Variants in AGBL3 observed in about 807,000 individuals in gnomAD.
The protein encoded by AGBL3 is AGBL carboxypeptidase 3.
AGBL3 carries 68 observed loss-of-function variants against 94.5 expected under a neutral mutation model. The ratio of observed to expected loss-of-function variants is 0.72; its 90% CI spans 0.59 to 0.88. AGBL3 has a LOEUF of 0.88. AGBL3 is among the 40% of genes least tolerant of loss of function. The probability of loss-of-function intolerance (pLI) is 0.00; values close to 1 mark genes in which losing one functional copy is unlikely to be tolerated. For synonymous variants in AGBL3, 354 were observed against 370.7 expected (o/e 0.95, Z 0.52); for missense variants, 934 against 1,103.8 (o/e 0.85, Z 2.18).
intron 15 of AGBL3, among the ~76,000 whole-genome samples, chr7:135,095,609 G>C (rs61222511): frequency 2.0e-5 from 3 of 152,100 alleles, no homozygotes; most frequent in African/African-American, 4.8e-5. Context: ...AAATACAAAA[G>C]CCATATGTTA....
chr7:135,022,576 G>A (rs568356386), intron 5 of AGBL3, among the ~76,000 whole-genome samples: 46 of 151,970 alleles, frequency 3.0e-4, no homozygotes, highest in Non-Finnish European at 5.4e-4. Context: ...TGTTAGATGG[G>A]TAAATAGCAA....
At chr7:135,062,517 T>C (rs1267575993) in intron 12 of AGBL3, among the ~76,000 whole-genome samples, 3 of 151,770 alleles carry the variant, frequency 2.0e-5, no homozygotes, top group Non-Finnish European at 4.4e-5. Context: ...TGGCCTTTAT[T>C]GTATTGAGGT....
chr7:135,027,742 A>G (rs1815303856), intron 5 of AGBL3, among the ~76,000 whole-genome samples: 1 of 151,674 alleles, frequency 6.6e-6, no homozygotes. Context: ...CATAGAATGT[A>G]GTTAAACAAG....
rs542032407 is a variant in AGBL3, at chr7:135,032,850, A to G, written c.425A>G (p.Lys142Arg). The change falls in exon 6 of 17, where the codon AAA becomes AGA. Residue 142 changes from lysine to arginine, a missense_variant. This residue lies in a region of AGBL3 where 488 missense variants were observed against 563.6 expected (regional missense o/e 0.87). Coordinates refer to ENST00000436302, the MANE Select transcript of AGBL3 (RefSeq NM_178563.4). ...TVVYLAEDAY[K>R]EPCFVYSRVG... ...GATCTTCTTCTCTCATCAGCTTACA[A>G]AGAGCCCTGTTTTGTGTATTCCCGA... The G allele has an allele frequency of 2.6e-6, 4 of 1,546,448 alleles. No individual in the cohort carries two copies. In the African/African-American group the frequency reaches 5.5e-5, roughly 21 times the overall value.
intron 13 of AGBL3, among the ~76,000 whole-genome samples, chr7:135,077,086 T>G (rs113115584): frequency 4.6e-5 from 7 of 152,250 alleles, no homozygotes; most frequent in African/African-American, 9.6e-5. Flanking sequence ...AACTCCACAC[T>G]AGTGTAGACA....
chr7:134,998,634 A>C (rs919392935), intron 4 of AGBL3, among the ~76,000 whole-genome samples: 3 of 152,232 alleles, frequency 2.0e-5, no homozygotes, highest in Non-Finnish European at 4.4e-5. Context: ...ATATAGGTAC[A>C]GAACTAGTGG....
chr7:134,993,511 C>G lies in AGBL3; in HGVS notation c.143C>G (p.Pro48Arg). The G allele has an allele frequency of 6.5e-7, 1 of 1,545,004 alleles. No individual in the cohort carries two copies. Among genetic ancestry groups the G allele is most frequent in the Non-Finnish European group, 8.7e-7 (1 of 1,144,350 alleles). The change falls in exon 4 of 17, where the codon CCC becomes CGC. Residue 48 changes from proline (P) to arginine (R), a missense_variant. Transcript: ENST00000436302. ...ALLTADSFGDPFFPRTTQILL... is the reference protein window; with the variant it reads ...ALLTADSFGDRFFPRTTQILL... ...TTCTCAGCTGACTCTTTTGGTGATC[C>G]CTTCTTCCCCCGGACTACACAGATA...
chr7:135,054,411 G>T (rs1818155134), intron 11 of AGBL3, among the ~76,000 whole-genome samples: 2 of 152,218 alleles, frequency 1.3e-5, no homozygotes, highest in South Asian at 4.1e-4. Context: ...TTCAAAATAA[G>T]GAAATGTAGA....
intron 15 of AGBL3, among the ~76,000 whole-genome samples, chr7:135,087,265 T>C (rs1821404112): frequency 6.6e-6 from 1 of 151,806 alleles, no homozygotes; most frequent in Non-Finnish European, 1.5e-5. Context: ...TTGTTGATTT[T>C]ATCTTTCAAA....
At chr7:135,065,301 C>T (rs1000757561) in intron 12 of AGBL3, among the ~76,000 whole-genome samples, 1 of 152,166 alleles carries the variant, frequency 6.6e-6, no homozygotes, top group African/African-American at 2.4e-5. Flanking sequence ...ATTTCAATGA[C>T]ATTTTTCACA....
chr7:135,104,002 T>C (rs1371852366), intron 15 of AGBL3, among the ~76,000 whole-genome samples: 1 of 152,114 alleles, frequency 6.6e-6, no homozygotes, highest in Non-Finnish European at 1.5e-5. Flanking sequence ...TGTCATGGGG[T>C]TTGTACAGAT....
intron 4 of AGBL3, among the ~76,000 whole-genome samples, chr7:134,996,471 CA>C (rs1267933530): frequency 2.1e-5 from 3 of 140,414 alleles, no homozygotes; most frequent in Non-Finnish European, 4.6e-5. Flanking sequence ...GGCCAAGAGT[CA>C]AAGCTGGACA....
chr7:135,085,991 T>G (rs991528406), intron 15 of AGBL3, among the ~76,000 whole-genome samples: 1 of 151,934 alleles, frequency 6.6e-6, no homozygotes, highest in African/African-American at 2.4e-5. Flanking sequence ...GATGTCTATT[T>G]GTATCCTCCT....
chr7:135,026,066 G>A (rs1316273846), intron 5 of AGBL3, among the ~76,000 whole-genome samples: 1 of 151,136 alleles, frequency 6.6e-6, no homozygotes, highest in Non-Finnish European at 1.5e-5. Context: ...TTGAGCAACT[G>A]GACCTAATAG....
chr7:134,989,205 A>C, intron 2 of AGBL3, 45 bp from the exon 3 acceptor site: 1 of 1,418,526 alleles, frequency 7.0e-7, no homozygotes, highest in Non-Finnish European at 9.6e-7. Flanking sequence ...GGATTTGAAA[A>C]CTGTTGGTTT....
At chr7:135,053,540 G>A (rs1199432323) in intron 11 of AGBL3, among the ~76,000 whole-genome samples, 3 of 152,156 alleles carry the variant, frequency 2.0e-5, no homozygotes, top group African/African-American at 7.2e-5. Flanking sequence ...CCGGGAGGCG[G>A]AGGTTGCAGT....
intron 16 of AGBL3, among the ~76,000 whole-genome samples, chr7:135,125,074 GAC>G (rs1269208538): frequency 2.0e-5 from 3 of 151,642 alleles, no homozygotes; most frequent in African/African-American, 7.3e-5. Flanking sequence ...AGGAGATAGA[GAC>G]ACAAAAAACT....
intron 6 of AGBL3, among the ~76,000 whole-genome samples, chr7:135,033,471 C>G (rs1238966146): frequency 6.6e-6 from 1 of 152,150 alleles, no homozygotes; most frequent in Admixed American, 6.5e-5. Context: ...TACAACTGTA[C>G]ACATACACAT....
intron 12 of AGBL3, among the ~76,000 whole-genome samples, chr7:135,068,222 A>T (rs1379811381): frequency 2.0e-5 from 3 of 152,228 alleles, no homozygotes; most frequent in African/African-American, 7.2e-5. Context: ...CCTCCAAGAA[A>T]TATGGGACTA....
Sources: allele counts gnomAD v4.1 joint callset (sites outside exome capture counted in the v4.1 genomes callset), GRCh38; gene constraint gnomAD v4.1.1; regional missense constraint gnomAD v4.1.1; transcripts MANE v1.5; gene names NCBI Gene and HGNC (gene_info 2026-07-23, HGNC 2026-07-21).